Variants in LTAP1 observed in about 807,000 individuals in gnomAD.
LTAP1 encodes HCV NS5A-transactivated protein 4.
the LTAP1 span, among the ~76,000 whole-genome samples, chr1:154,215,891 G>A: frequency 6.7e-4 from 100 of 149,680 alleles, no homozygotes; most frequent in African/African-American, 2.5e-5. Flanking sequence ...AGGCTGGAGT[G>A]CAGTGGCGCA....
At chr1:154,219,929 T>C in the LTAP1 span, 3 of 1,601,298 alleles carry the variant, frequency 1.9e-6, no homozygotes, top group Admixed American at 1.8e-5. Flanking sequence ...TAAATAGCAG[T>C]ACAAACACCT....
the LTAP1 span, chr1:154,208,532 T>C: frequency 6.6e-6 from 1 of 152,202 alleles, no homozygotes; most frequent in African/African-American, 2.4e-5. Flanking sequence ...CCCAGAGTTC[T>C]TGCCTCTGGC....
At chr1:154,220,330 T>C in the LTAP1 span, 5 of 1,613,544 alleles carry the variant, frequency 3.1e-6, no homozygotes, top group South Asian at 3.3e-5. Flanking sequence ...TGGGGTGGGG[T>C]AATCTCCTCA....
chr1:154,212,198 A>T, the LTAP1 span: 1 of 1,084,602 alleles, frequency 9.2e-7, no homozygotes, highest in Admixed American at 1.7e-5. Context: ...AATAGTCTAG[A>T]ACCTGACAAC....
At chr1:154,216,626 T>C in the LTAP1 span, among the ~76,000 whole-genome samples, 3 of 152,020 alleles carry the variant, frequency 2.0e-5, no homozygotes, top group African/African-American at 7.3e-5. Flanking sequence ...CTTGCCCTCC[T>C]GCCTCAGCCT....
the LTAP1 span, among the ~76,000 whole-genome samples, chr1:154,215,563 CAAAAA>C: frequency 9.0e-6 from 1 of 111,514 alleles, no homozygotes; most frequent in African/African-American, 3.3e-5. Context: ...GAGACGTCTC[CAAAAA>C]AAAAAAAAAA....
the LTAP1 span, chr1:154,213,874 C>T: frequency 6.2e-7 from 1 of 1,608,024 alleles, no homozygotes; most frequent in Non-Finnish European, 8.5e-7. Flanking sequence ...TAGAATGGAC[C>T]CTGTCAGGTA....
chr1:154,215,993 A>C, the LTAP1 span, among the ~76,000 whole-genome samples: 1 of 151,892 alleles, frequency 6.6e-6, no homozygotes, highest in Non-Finnish European at 1.5e-5. Flanking sequence ...GCCCGCCACC[A>C]CGCCTGGCTA....
At chr1:154,213,650 T>A in the LTAP1 span, among the ~76,000 whole-genome samples, 2 of 152,204 alleles carry the variant, frequency 1.3e-5, no homozygotes, top group African/African-American at 4.8e-5. Context: ...ATCTACTTCA[T>A]GAAACTAAAG....
At chr1:154,207,169 A>G in the LTAP1 span, 1 of 298,540 alleles carries the variant, frequency 3.3e-6, no homozygotes, top group South Asian at 4.6e-5. Context: ...GAAGATTTTT[A>G]AGAAGCTTTG....
chr1:154,218,492 T>C, the LTAP1 span, among the ~76,000 whole-genome samples: 1 of 152,196 alleles, frequency 6.6e-6, no homozygotes, highest in Admixed American at 6.5e-5. Context: ...AGCCAGGACA[T>C]CCTCCTAGAG....
chr1:154,215,201 C>A, the LTAP1 span, among the ~76,000 whole-genome samples: 3 of 151,858 alleles, frequency 2.0e-5, no homozygotes, highest in African/African-American at 7.3e-5. Flanking sequence ...TAGCTAGAGG[C>A]TACTTTAAAA....
At chr1:154,214,391 T>C in the LTAP1 span, 1 of 1,083,410 alleles carries the variant, frequency 9.2e-7, no homozygotes, top group Non-Finnish European at 1.4e-6. Context: ...TTGACAACTC[T>C]GAGAGAAAAG....
the LTAP1 span, chr1:154,214,471 G>C: frequency 1.2e-6 from 2 of 1,611,854 alleles, no homozygotes; most frequent in Non-Finnish European, 1.7e-6. Flanking sequence ...ATTTCCCTGG[G>C]TTTCCAGTTG....
the LTAP1 span, chr1:154,212,534 G>C: frequency 6.2e-7 from 1 of 1,614,036 alleles, no homozygotes; most frequent in Non-Finnish European, 8.5e-7. Flanking sequence ...CTTGAAAGGC[G>C]TACTAGTGTT....
the LTAP1 span, among the ~76,000 whole-genome samples, chr1:154,208,788 T>C: frequency 6.6e-6 from 1 of 152,216 alleles, no homozygotes; most frequent in South Asian, 2.1e-4. Flanking sequence ...TTTTTCTCTG[T>C]TGCTCAGGCT....
the LTAP1 span, among the ~76,000 whole-genome samples, chr1:154,218,097 T>C: frequency 6.6e-6 from 1 of 152,210 alleles, no homozygotes; most frequent in African/African-American, 2.4e-5. Flanking sequence ...ACTCAGCCTA[T>C]ATAATAATTG....
the LTAP1 span, among the ~76,000 whole-genome samples, chr1:154,207,972 G>A: frequency 1.3e-5 from 2 of 151,972 alleles, no homozygotes; most frequent in African/African-American, 4.8e-5. Context: ...GTGGTGGCGG[G>A]TGCCTGTAAT....
chr1:154,208,640 CACAAA>C, the LTAP1 span: 1 of 152,152 alleles, frequency 6.6e-6, no homozygotes, highest in South Asian at 2.1e-4. Context: ...TGTATGAGGT[CACAAA>C]ACTAGTTAAG....
Sources: gnomAD v4.1 joint callset for allele counts (sites outside exome capture counted in the v4.1 genomes callset) on GRCh38, gnomAD v4.1.1 for gene constraint, MANE v1.5 for transcripts, NCBI Gene and HGNC (gene_info 2026-07-23, HGNC 2026-07-21) for gene names.